GARIN1A: variants seen among roughly 807,000 people sequenced by gnomAD.
GARIN1A encodes the protein Golgi-associated RAB2 interactor protein 1A.
the GARIN1A span, among the ~76,000 whole-genome samples, chr7:128,678,799 C>CAA: frequency 8.6e-4 from 69 of 80,660 alleles, no homozygotes; most frequent in African/African-American, 2.8e-3. Context: ...AACTCCATCT[C>CAA]AAAAAAAAAA....
chr7:128,688,479 G>C, the GARIN1A span, among the ~76,000 whole-genome samples: 325 of 152,228 alleles, frequency 2.1e-3, 1 homozygote, highest in African/African-American at 7.6e-3. Context: ...TCTGCTTCTT[G>C]GTTACAAGTC....
the GARIN1A span, chr7:128,677,582 C>A: frequency 6.2e-7 from 1 of 1,608,626 alleles, no homozygotes; most frequent in Non-Finnish European, 8.5e-7. Context: ...CCCTGAAGTA[C>A]GTGGAGCTAC....
chr7:128,688,814 C>CTCTCCCTCTCTTTCCACCG, the GARIN1A span, among the ~76,000 whole-genome samples: 5 of 122,680 alleles, frequency 4.1e-5, no homozygotes, highest in Non-Finnish European at 1.7e-5. Context: ...CACAGTCTCC[C>CTCTCCCTCTCTTTCCACCG]TCTCCCTCTC....
chr7:128,691,037 C>T, the GARIN1A span: 19 of 151,966 alleles, frequency 1.3e-4, 1 homozygote, highest in East Asian at 1.3e-3. Context: ...AATATTAACT[C>T]TGAGAGGAAG....
the GARIN1A span, among the ~76,000 whole-genome samples, chr7:128,692,517 C>T: frequency 6.6e-6 from 1 of 152,114 alleles, no homozygotes; most frequent in East Asian, 1.9e-4. Flanking sequence ...CATTGTTATC[C>T]GGAGTTAATT....
the GARIN1A span, chr7:128,675,972 C>G: frequency 1.5e-6 from 1 of 681,728 alleles, no homozygotes; most frequent in African/African-American, 1.8e-5. Context: ...TGCATAAACC[C>G]TGTAGAACTC....
the GARIN1A span, among the ~76,000 whole-genome samples, chr7:128,691,926 C>T: frequency 2.6e-4 from 39 of 152,190 alleles, no homozygotes; most frequent in Non-Finnish European, 4.9e-4. Flanking sequence ...AATTGTGTAA[C>T]GTGAGCAGGA....
chr7:128,706,153 C>T, the GARIN1A span, among the ~76,000 whole-genome samples: 1 of 152,172 alleles, frequency 6.6e-6, no homozygotes, highest in Non-Finnish European at 1.5e-5. Context: ...CCTGCAGGAG[C>T]ACCTCCAGGC....
At chr7:128,691,393 G>A in the GARIN1A span, 1 of 152,220 alleles carries the variant, frequency 6.6e-6, no homozygotes, top group African/African-American at 2.4e-5. Context: ...TTCCTCCCTT[G>A]TGGTGACATA....
At chr7:128,683,303 C>A in the GARIN1A span, 7 of 614,254 alleles carry the variant, frequency 1.1e-5, no homozygotes, top group South Asian at 1.8e-4. Flanking sequence ...CACCAATAAA[C>A]TTCCAAGTGA....
chr7:128,688,900 G>GT, the GARIN1A span, among the ~76,000 whole-genome samples: 26,191 of 148,982 alleles, frequency 0.18, 2,413 homozygotes, highest in Middle Eastern at 0.27. Context: ...CAACCTCCCT[G>GT]CCTGATTCTC....
chr7:128,677,944 T>A, the GARIN1A span: 1 of 770,716 alleles, frequency 1.3e-6, no homozygotes, highest in Non-Finnish European at 2.0e-6. Context: ...TTTGATAATT[T>A]CTATTCAGTA....
At chr7:128,685,271 C>G in the GARIN1A span, 2 of 152,168 alleles carry the variant, frequency 1.3e-5, no homozygotes, top group Admixed American at 1.3e-4. Flanking sequence ...CTGCGTTTGA[C>G]GCTAAGTATA....
At chr7:128,706,864 G>C in the GARIN1A span, among the ~76,000 whole-genome samples, 1 of 152,084 alleles carries the variant, frequency 6.6e-6, no homozygotes, top group African/African-American at 2.4e-5. Flanking sequence ...GCAGCTCCTC[G>C]TGGGACTCTG....
the GARIN1A span, among the ~76,000 whole-genome samples, chr7:128,699,789 C>CTATA: frequency 6.6e-6 from 1 of 152,190 alleles, no homozygotes; most frequent in Non-Finnish European, 1.5e-5. Context: ...GGTCTGCATG[C>CTATA]TATATCAATT....
At chr7:128,673,306 C>T in the GARIN1A span, among the ~76,000 whole-genome samples, 2 of 152,162 alleles carry the variant, frequency 1.3e-5, no homozygotes, top group African/African-American at 2.4e-5. Flanking sequence ...AGCTCTATGT[C>T]AGAGAGCTTG....
At chr7:128,688,513 T>G in the GARIN1A span, among the ~76,000 whole-genome samples, 1 of 152,138 alleles carries the variant, frequency 6.6e-6, no homozygotes, top group South Asian at 2.1e-4. Flanking sequence ...ATTTCTTACT[T>G]CCCTCCTATA....
At chr7:128,676,475 A>C in the GARIN1A span, among the ~76,000 whole-genome samples, 1 of 151,762 alleles carries the variant, frequency 6.6e-6, no homozygotes, top group African/African-American at 2.4e-5. Context: ...GTGTATATAT[A>C]GACACGTTTC....
At chr7:128,683,747 C>G in the GARIN1A span, 1 of 152,202 alleles carries the variant, frequency 6.6e-6, no homozygotes, top group Non-Finnish European at 1.5e-5. Flanking sequence ...GGATTACAGG[C>G]GTGAGCCACC....
Sources: gnomAD v4.1 joint callset for allele counts (sites outside exome capture counted in the v4.1 genomes callset) on GRCh38, gnomAD v4.1.1 for gene constraint, MANE v1.5 for transcripts, NCBI Gene and HGNC (gene_info 2026-07-23, HGNC 2026-07-21) for gene names.